Variants in RANBP2 observed in about 807,000 individuals in gnomAD.
RANBP2 encodes E3 SUMO-protein ligase RanBP2.
RANBP2 carries 57 observed loss-of-function variants against 303.6 expected under a neutral mutation model. That is an observed-to-expected ratio of 0.19 (90% CI 0.15 to 0.23). The LOEUF (loss-of-function observed/expected upper bound fraction) is 0.23, where lower values mean the gene tolerates loss of function less well. Among genes scored for constraint, RANBP2 ranks in the 10% least tolerant of loss-of-function variants. The probability of loss-of-function intolerance (pLI) is 1.00; values close to 1 mark genes in which losing one functional copy is unlikely to be tolerated. For synonymous variants in RANBP2, 1,167 were observed against 1,301.5 expected (o/e 0.90, Z 2.23); for missense variants, 3,138 against 3,780.8 (o/e 0.83, Z 4.46).
chr2:109,255,156 G>A, the RANBP2 span, among the ~76,000 whole-genome samples: 4 of 152,248 alleles, frequency 2.6e-5, no homozygotes, highest in Admixed American at 2.0e-4. Flanking sequence ...ACATGTGCAC[G>A]TGTGCAACTC....
the RANBP2 span, among the ~76,000 whole-genome samples, chr2:109,147,269 G>A: frequency 6.6e-6 from 1 of 152,122 alleles, no homozygotes; most frequent in Admixed American, 6.5e-5. Flanking sequence ...TGTAAATATG[G>A]GGGTGTGGGG....
the RANBP2 span, among the ~76,000 whole-genome samples, chr2:109,044,515 T>G: frequency 6.6e-6 from 1 of 152,008 alleles, no homozygotes; most frequent in East Asian, 1.9e-4. Flanking sequence ...AGAGCGAGAC[T>G]CTGTCGCAAA....
chr2:109,521,426 C>T, the RANBP2 span, among the ~76,000 whole-genome samples: 1 of 151,992 alleles, frequency 6.6e-6, no homozygotes, highest in African/African-American at 2.4e-5. Flanking sequence ...ATTTCCTCAC[C>T]ACTTCAGTAG....
the RANBP2 span, among the ~76,000 whole-genome samples, chr2:109,136,002 C>T: frequency 3.3e-5 from 5 of 152,186 alleles, no homozygotes; most frequent in African/African-American, 1.2e-4. Context: ...CCGTAGGACA[C>T]AATAGCTTGT....
chr2:108,846,609 T>A, the RANBP2 span: 1 of 698,500 alleles, frequency 1.4e-6, no homozygotes, highest in Non-Finnish European at 2.4e-6. Flanking sequence ...CCCAGGAGTT[T>A]GAGGCTGCAG....
chr2:108,782,630 A>C lies in RANBP2; in HGVS notation c.9137A>C (p.Lys3046Thr). 2 of 1,614,242 alleles carry C rather than the reference A, an allele frequency of 1.2e-6. No individual in the cohort carries two copies. The highest frequency in any genetic ancestry group is 3.3e-5 in the Admixed American group (2 of 60,028). ...TFEECQQNLM[K>T]LQKGHVSLAA... ...GAAGAATGTCAGCAGAATTTAATGA[A>C]ACTCCAGAAAGGACATGTATCACTG... The change falls in exon 28 of 29, where the codon AAA becomes ACA. Residue 3046 changes from lysine to threonine, a missense_variant. This residue lies in a region of RANBP2 where 204 missense variants were observed against 228.4 expected (regional missense o/e 0.89). Transcript: ENST00000283195.
the RANBP2 span, among the ~76,000 whole-genome samples, chr2:109,313,319 A>G: frequency 6.6e-6 from 1 of 152,238 alleles, no homozygotes; most frequent in Non-Finnish European, 1.5e-5. Flanking sequence ...GGAGGCTGGC[A>G]TCTGTGTTTC....
At chr2:109,102,716 G>A in the RANBP2 span, among the ~76,000 whole-genome samples, 4 of 152,112 alleles carry the variant, frequency 2.6e-5, no homozygotes, top group African/African-American at 9.7e-5. Flanking sequence ...GGAAGGGAGA[G>A]GAAGGAGAGC....
the RANBP2 span, among the ~76,000 whole-genome samples, chr2:108,811,531 C>T: frequency 6.6e-6 from 1 of 152,066 alleles, no homozygotes; most frequent in Non-Finnish European, 1.5e-5. Context: ...GTGTGAGCTA[C>T]TGCACTCAGC....
At chr2:108,990,752 T>C in the RANBP2 span, among the ~76,000 whole-genome samples, 2 of 152,222 alleles carry the variant, frequency 1.3e-5, no homozygotes, top group Non-Finnish European at 2.9e-5. Context: ...ATCTAGATAA[T>C]ATAAGCTCCC....
At chr2:109,616,357 GAATT>G in the RANBP2 span, 48 of 254,840 alleles carry the variant, frequency 1.9e-4, no homozygotes, top group South Asian at 3.3e-4. Flanking sequence ...CAGAATGAAT[GAATT>G]AATGAATGAG....
the RANBP2 span, among the ~76,000 whole-genome samples, chr2:109,643,898 G>A: frequency 1.1e-4 from 16 of 151,666 alleles, no homozygotes; most frequent in African/African-American, 3.1e-4. Context: ...CTAGGCAGGC[G>A]GATCACGAGG....
chr2:109,281,983 C>T, the RANBP2 span, among the ~76,000 whole-genome samples: 1 of 152,062 alleles, frequency 6.6e-6, no homozygotes, highest in South Asian at 2.1e-4. Flanking sequence ...AGCGCTGGGC[C>T]AGGCTTTCGG....
At chr2:108,731,672 C>G (rs369572134) in intron 4 of RANBP2, 198 bp downstream of exon 4, 7 of 1,043,924 alleles carry the variant, frequency 6.7e-6, no homozygotes, top group South Asian at 3.6e-5. Flanking sequence ...TAAGTGACAT[C>G]TCATTTACCT....
chr2:109,510,558 G>C, the RANBP2 span, among the ~76,000 whole-genome samples: 2 of 152,214 alleles, frequency 1.3e-5, no homozygotes, highest in Non-Finnish European at 2.9e-5. Context: ...AGGAACCCCG[G>C]TTCCATCCTC....
chr2:109,211,313 T>C, the RANBP2 span, among the ~76,000 whole-genome samples: 1 of 152,210 alleles, frequency 6.6e-6, no homozygotes, highest in Admixed American at 6.5e-5. Context: ...CTGGATTTTG[T>C]TTAACATCTT....
At chr2:109,437,140 T>G in the RANBP2 span, 2 of 1,609,896 alleles carry the variant, frequency 1.2e-6, no homozygotes, top group Non-Finnish European at 1.7e-6. Context: ...GAGCACCATT[T>G]CAACAGGTAC....
the RANBP2 span, among the ~76,000 whole-genome samples, chr2:109,159,589 A>G: frequency 6.6e-6 from 1 of 152,222 alleles, no homozygotes; most frequent in African/African-American, 2.4e-5. Flanking sequence ...AGGGGTACCC[A>G]ATCCCTGGGC....
At position 108,772,469 on chromosome 2, in the gene RANBP2, T is replaced by C. The variant is rs777758235; in HGVS notation, c.8021-20T>C. ...CCCCCAAAATTAACTAGAAATTCTT[T>C]TAATCAATTGTATTTTAAGATGAAG... On this transcript the variant is annotated intron_variant, in intron 21 of 28. Transcript: ENST00000283195. The C allele has an allele frequency of 3.1e-6, 5 of 1,598,022 alleles. No homozygotes were observed. The highest frequency in any genetic ancestry group is 4.3e-6 in the Non-Finnish European group (5 of 1,166,064).
Sources: allele counts gnomAD v4.1 joint callset (sites outside exome capture counted in the v4.1 genomes callset), GRCh38; gene constraint gnomAD v4.1.1; regional missense constraint gnomAD v4.1.1; transcripts MANE v1.5; gene names NCBI Gene and HGNC (gene_info 2026-07-23, HGNC 2026-07-21).